The following WDR20 variants were observed in gnomAD, a reference collection of about 807,000 sequenced individuals.
The protein encoded by WDR20 is WD repeat domain 20.
WDR20 carries 3 observed loss-of-function variants against 38.7 expected under a neutral mutation model. That is an observed-to-expected ratio of 0.08 (90% CI 0.04 to 0.20). The LOEUF (loss-of-function observed/expected upper bound fraction) is 0.20, where lower values mean the gene tolerates loss of function less well. Among genes scored for constraint, WDR20 ranks in the 10% least tolerant of loss-of-function variants. The pLI is 1.00. For missense variants in WDR20, 559 were observed against 727.7 expected, an observed-to-expected ratio of 0.77 and a Z score of 2.67; for synonymous variants, 298 against 285.6, an observed-to-expected ratio of 1.04 and a Z score of -0.44.
At chr14:102,174,534 C>A (rs1264377388) in intron 1 of WDR20, among the ~76,000 whole-genome samples, 2 of 152,232 alleles carry the variant, frequency 1.3e-5, no homozygotes, top group Non-Finnish European at 2.9e-5. Flanking sequence ...ATTCTCCTGT[C>A]TCAGCCTCCC....
At chr14:102,172,505 C>T (rs1262984247) in intron 1 of WDR20, among the ~76,000 whole-genome samples, 2 of 150,432 alleles carry the variant, frequency 1.3e-5, no homozygotes, top group African/African-American at 2.4e-5. Flanking sequence ...CGCCCCTCAC[C>T]TCCCGGACGG....
chr14:102,175,252 T>G (rs2061801147), intron 1 of WDR20, among the ~76,000 whole-genome samples: 1 of 152,230 alleles, frequency 6.6e-6, no homozygotes, highest in African/African-American at 2.4e-5. Flanking sequence ...GGATCCAATT[T>G]TATTCTTCTA....
downstream of WDR20, chr14:102,213,632 ACCC>A: frequency 1.0e-6 from 1 of 985,154 alleles, no homozygotes; most frequent in Non-Finnish European, 1.2e-6. Context: ...GGCTGACTTC[ACCC>A]CCAGGGCCCA....
In WDR20 at chr14:102,178,585, C is replaced by T. The variant is rs192023937; in HGVS notation, c.250-16353C>T. ...GCAATGAAGATTCTGGGCCCCTGCA[C>T]TTGAACACTGCATCAGGAACTGTGA... On this transcript the variant is annotated intron_variant, in intron 1 of 2. Transcript: ENST00000342702. Among the ~76,000 whole-genome samples, 4 of 152,060 alleles carry T rather than the reference C, an allele frequency of 2.6e-5. No individual in the cohort carries two copies. The East Asian group carries it at 7.7e-4, about 29-fold the overall frequency.
chr14:102,196,367 T>G (rs932371586), intron 2 of WDR20, among the ~76,000 whole-genome samples: 5 of 152,216 alleles, frequency 3.3e-5, no homozygotes, highest in Admixed American at 3.3e-4. Flanking sequence ...CCTAGATGTT[T>G]TTTTAGTATC....
chr14:102,173,905 G>C (rs137870784), intron 1 of WDR20, among the ~76,000 whole-genome samples: 1 of 151,928 alleles, frequency 6.6e-6, no homozygotes, highest in Non-Finnish European at 1.5e-5. Context: ...TTAGCTGGGC[G>C]TGGTGGCGGG....
At chr14:102,224,745 C>T (rs911335155), downstream of WDR20, 21 of 455,918 alleles carry the variant, frequency 4.6e-5, 1 homozygote, top group Admixed American at 1.4e-4. Flanking sequence ...CACTCGAAGG[C>T]GCCAGCAGGG....
chr14:102,151,617 G>A (rs2055892797), intron 1 of WDR20, among the ~76,000 whole-genome samples: 1 of 151,834 alleles, frequency 6.6e-6, no homozygotes, highest in Admixed American at 6.6e-5. Context: ...GGTCTTGCCT[G>A]GGTTCAAACG....
chr14:102,164,777 A>G (rs747896468), intron 1 of WDR20, among the ~76,000 whole-genome samples: 7 of 152,224 alleles, frequency 4.6e-5, no homozygotes, highest in Non-Finnish European at 7.3e-5. Context: ...GAATTTAACT[A>G]TCGGATTTCT....
chr14:102,209,005 A>G lies in WDR20; in HGVS notation c.835A>G (p.Thr279Ala). Residue 279 changes from threonine (T) to alanine (A), a missense_variant, in exon 3 of 3, where the codon ACA becomes GCA. Transcript: ENST00000342702. The surrounding 1 kb of genome is among the most constrained non-coding windows in gnomAD (Gnocchi z 6.0). ...GAGCCCGGATGGCAAGTACATCGTG[A>G]CAGGTGGGGAGGACGACTTGGTGAC... ...CWSPDGKYIV[T>A]GGEDDLVTVW... is the part of the protein sequence containing the mutation. 6.2e-7 allele frequency: 1 copy of G among 1,614,156 alleles called. No homozygotes were observed. The highest frequency in any genetic ancestry group is 1.1e-5 in the South Asian group (1 of 91,070).
At chr14:102,147,987 TC>T (rs2054286548) in intron 1 of WDR20, among the ~76,000 whole-genome samples, 1 of 152,206 alleles carries the variant, frequency 6.6e-6, no homozygotes, top group South Asian at 2.1e-4. Flanking sequence ...TGCCTGGGCC[TC>T]CCAAAGTGCT....
chr14:102,188,145 AT>A (rs1490876162), intron 1 of WDR20, among the ~76,000 whole-genome samples: 1 of 152,124 alleles, frequency 6.6e-6, no homozygotes, highest in Non-Finnish European at 1.5e-5. Flanking sequence ...TTTGACACAC[AT>A]TTTTCAAAAG....
rs2063945660 is a variant in WDR20, at chr14:102,221,990, G to C, written c.1693-840G>C. ...ATGTAATTGCTGCTCAATAGTAAAT[G>C]CAAAGAAATGGAAGTACTCTTTGCT... is the stretch of plus-strand genomic sequence containing the variant. On this transcript the variant is annotated intron_variant, in intron 3 of 3. Coordinates refer to the WDR20 transcript ENST00000335263. This position sits in a 1 kb window ranked among gnomAD's most constrained non-coding sequence, Gnocchi z 4.8. Among the ~76,000 whole-genome samples the C allele has an allele frequency of 6.6e-6, 1 of 152,174 alleles. No individual in the cohort carries two copies. Among genetic ancestry groups the C allele is most frequent in the Non-Finnish European group, 1.5e-5 (1 of 68,032 alleles).
chr14:102,177,551 G>T (rs187756112), intron 1 of WDR20, among the ~76,000 whole-genome samples: 1 of 152,136 alleles, frequency 6.6e-6, no homozygotes, highest in African/African-American at 2.4e-5. Flanking sequence ...ACCCAGTGTC[G>T]TGATATTGGC....
chr14:102,176,578 C>T (rs1414865673), intron 1 of WDR20, among the ~76,000 whole-genome samples: 2 of 151,994 alleles, frequency 1.3e-5, no homozygotes, highest in Non-Finnish European at 2.9e-5. Context: ...TTTACATCTC[C>T]GTTCGTCAGG....
intron 1 of WDR20, chr14:102,171,418 A>T (rs1183806220): frequency 1.3e-5 from 2 of 151,482 alleles, no homozygotes; most frequent in African/African-American, 4.8e-5. Flanking sequence ...CATGAGCCAC[A>T]CTGTTGGCCT....
intron 1 of WDR20, among the ~76,000 whole-genome samples, chr14:102,145,894 A>G (rs947599265): frequency 6.6e-6 from 1 of 152,316 alleles, no homozygotes; most frequent in East Asian, 1.9e-4. Context: ...TGCCCAGAGA[A>G]GTTACTGAAG....
At chr14:102,219,556 C>T (rs754505355), downstream of WDR20, among the ~76,000 whole-genome samples, 26 of 152,342 alleles carry the variant, frequency 1.7e-4, no homozygotes, top group Non-Finnish European at 2.6e-4. Flanking sequence ...TTTGGGCCTT[C>T]GCTTCGCCTT....
chr14:102,164,557 G>C (rs546469843), intron 1 of WDR20, among the ~76,000 whole-genome samples: 1 of 152,266 alleles, frequency 6.6e-6, no homozygotes, highest in Admixed American at 6.5e-5. Context: ...ATTTCTCCAG[G>C]ATACTGATGA....
Sources: allele counts gnomAD v4.1 joint callset (sites outside exome capture counted in the v4.1 genomes callset), GRCh38; gene constraint gnomAD v4.1.1; non-coding constraint Gnocchi (gnomAD v3.1); transcripts MANE v1.5; gene names NCBI Gene and HGNC (gene_info 2026-07-23, HGNC 2026-07-21).